The following COL5A2 variants were observed in gnomAD, a reference collection of about 807,000 sequenced individuals.
COL5A2 encodes collagen type V alpha 2 chain.
In COL5A2, 23 loss-of-function variants were observed where a neutral mutation model predicts 208.2. That is an observed-to-expected ratio of 0.11 (90% CI 0.08 to 0.16). COL5A2 has a LOEUF of 0.16. COL5A2 is among the 10% of genes least tolerant of loss of function. COL5A2 has a pLI of 1.00. For synonymous variants in COL5A2, 625 were observed against 628.5 expected (o/e 0.99, Z 0.08); for missense variants, 1,590 against 1,956.4 (o/e 0.81, Z 3.53).
chr2:189,382,994 G>T, the COL5A2 span, among the ~76,000 whole-genome samples: 1 of 152,062 alleles, frequency 6.6e-6, no homozygotes, highest in Non-Finnish European at 1.5e-5. Context: ...ACAAGGGTAG[G>T]GAATGTCACC....
chr2:189,356,405 C>T, the COL5A2 span, among the ~76,000 whole-genome samples: 2 of 152,164 alleles, frequency 1.3e-5, no homozygotes, highest in African/African-American at 4.8e-5. Context: ...TCACATAGTT[C>T]CATATTTCTT....
At chr2:189,290,733 C>CACACACAT in the COL5A2 span, among the ~76,000 whole-genome samples, 147 of 151,432 alleles carry the variant, frequency 9.7e-4, no homozygotes, top group Non-Finnish European at 1.8e-3. Flanking sequence ...CACACACACA[C>CACACACAT]ACACACACAC....
intron 40 of COL5A2, 54 bp from the exon 41 acceptor site, chr2:189,052,279 T>A (rs1685806079): frequency 6.5e-7 from 1 of 1,530,996 alleles, no homozygotes; most frequent in Admixed American, 1.7e-5. Context: ...ATTAGTTACA[T>A]GTATTTTCCT....
upstream of COL5A2, among the ~76,000 whole-genome samples, chr2:189,183,214 C>G (rs1201347529): frequency 4.6e-5 from 7 of 152,182 alleles, no homozygotes; most frequent in Non-Finnish European, 5.9e-5. Flanking sequence ...CCCCTCCTAA[C>G]AGTTGACATT....
the COL5A2 span, among the ~76,000 whole-genome samples, chr2:189,346,132 T>A: frequency 6.6e-6 from 1 of 152,216 alleles, no homozygotes; most frequent in Non-Finnish European, 1.5e-5. Context: ...ATGCTTGCAA[T>A]GGATACATCT....
At chr2:189,285,071 G>GGGGTGTGT in the COL5A2 span, among the ~76,000 whole-genome samples, 3 of 139,702 alleles carry the variant, frequency 2.1e-5, no homozygotes, top group Middle Eastern at 3.4e-3. Context: ...GCATGCACAT[G>GGGGTGTGT]GTGTGTGTGT....
At chr2:189,046,017 A>T in intron 45 of COL5A2, 110 bp from the exon 46 acceptor site, 1 of 767,430 alleles carries the variant, frequency 1.3e-6, no homozygotes, top group Non-Finnish European at 2.1e-6. Flanking sequence ...ATACCCTTTA[A>T]AACTTATTTT....
At chr2:189,053,585 A>C in intron 37 of COL5A2, 108 bp from the exon 38 acceptor site, 1 of 1,013,442 alleles carries the variant, frequency 9.9e-7, no homozygotes, top group Non-Finnish European at 1.5e-6. Context: ...AAATATAGAA[A>C]AATTACACAT....
intron 7 of COL5A2, 119 bp downstream of exon 7, chr2:189,092,191 T>C: frequency 1.3e-6 from 1 of 747,574 alleles, no homozygotes; most frequent in Non-Finnish European, 2.4e-6. Context: ...GTTGACCTTA[T>C]TTAACTGCTC....
At chr2:189,171,797 C>T (rs996060929) in intron 1 of COL5A2, among the ~76,000 whole-genome samples, 6 of 151,982 alleles carry the variant, frequency 3.9e-5, no homozygotes, top group African/African-American at 7.3e-5. Flanking sequence ...TAAACAAAAC[C>T]CTTAATTCTA....
intron 1 of COL5A2, among the ~76,000 whole-genome samples, chr2:189,168,236 G>C (rs1358458759): frequency 2.3e-5 from 2 of 86,120 alleles, no homozygotes; most frequent in African/African-American, 6.1e-5. Context: ...ACTGTGCCCG[G>C]GTTTTTTTTT....
chr2:189,296,006 G>T, the COL5A2 span, among the ~76,000 whole-genome samples: 1 of 151,928 alleles, frequency 6.6e-6, no homozygotes, highest in Non-Finnish European at 1.5e-5. Context: ...ACAGGTTTCT[G>T]AAGTTTTTTA....
At chr2:189,343,124 A>C in the COL5A2 span, among the ~76,000 whole-genome samples, 2 of 152,092 alleles carry the variant, frequency 1.3e-5, no homozygotes, top group African/African-American at 4.8e-5. Context: ...TTACACAGAC[A>C]ATGTATGACA....
chr2:189,293,983 G>C, the COL5A2 span, among the ~76,000 whole-genome samples: 12 of 152,042 alleles, frequency 7.9e-5, no homozygotes, highest in African/African-American at 2.7e-4. Flanking sequence ...AGCTACTGGT[G>C]AGGCTGAAGC....
chr2:189,358,079 G>C, the COL5A2 span, among the ~76,000 whole-genome samples: 12 of 152,168 alleles, frequency 7.9e-5, no homozygotes, highest in African/African-American at 2.6e-4. Context: ...GTCCCAATGA[G>C]ATAAACCGGG....
chr2:189,201,764 G>C (rs1347599552), intron 1 of COL5A2, among the ~76,000 whole-genome samples: 2 of 151,752 alleles, frequency 1.3e-5, no homozygotes, highest in Non-Finnish European at 2.9e-5. Flanking sequence ...TATAAGCTAA[G>C]AGCTAATTTC....
chr2:189,281,424 G>A, the COL5A2 span, among the ~76,000 whole-genome samples: 2 of 152,142 alleles, frequency 1.3e-5, no homozygotes, highest in Admixed American at 1.3e-4. Flanking sequence ...GTGTAAAATT[G>A]CAATGAATGG....
the COL5A2 span, among the ~76,000 whole-genome samples, chr2:189,233,748 G>A: frequency 1.9e-3 from 284 of 151,710 alleles, 1 homozygote; most frequent in Middle Eastern, 6.8e-3. Flanking sequence ...ATTTTAAAGC[G>A]AGTCACAGCT....
At chr2:189,093,185 C>T (rs1050329026) in intron 6 of COL5A2, among the ~76,000 whole-genome samples, 2 of 152,156 alleles carry the variant, frequency 1.3e-5, no homozygotes, top group South Asian at 4.1e-4. Context: ...GGAACAGCCA[C>T]GTCCTCAGTT....
Sources: gnomAD v4.1 joint callset for allele counts (sites outside exome capture counted in the v4.1 genomes callset) on GRCh38, gnomAD v4.1.1 for gene constraint, MANE v1.5 for transcripts, NCBI Gene and HGNC (gene_info 2026-07-23, HGNC 2026-07-21) for gene names.